PTAR1: variants seen among roughly 807,000 people sequenced by gnomAD.
PTAR1 encodes protein prenyltransferase alpha subunit repeat containing 1.
A neutral mutation model predicts 45.5 loss-of-function variants in PTAR1; 17 were observed. That is an observed-to-expected ratio of 0.37 (90% CI 0.26 to 0.56). The LOEUF (loss-of-function observed/expected upper bound fraction) is 0.56, where lower values mean the gene tolerates loss of function less well. Among genes scored for constraint, PTAR1 ranks in the 20% least tolerant of loss-of-function variants. PTAR1 has a pLI of 0.77. For missense variants in PTAR1, 391 were observed against 476.3 expected (o/e 0.82, Z 1.67); for synonymous variants, 169 against 171.3 (o/e 0.99, Z 0.11).
At chr9:69,746,883 G>A (rs1042286552) in intron 2 of PTAR1, among the ~76,000 whole-genome samples, 2 of 152,208 alleles carry the variant, frequency 1.3e-5, no homozygotes, top group Non-Finnish European at 2.9e-5. Flanking sequence ...TTTGACAACT[G>A]TCTCTAACAG....
intron 5 of PTAR1, among the ~76,000 whole-genome samples, chr9:69,727,448 T>G (rs1825339694): frequency 6.6e-6 from 1 of 152,082 alleles, no homozygotes; most frequent in African/African-American, 2.4e-5. Context: ...CTTAGCATAA[T>G]GTGAGTCTCT....
chr9:69,720,755 A>C (rs986183091), intron 6 of PTAR1, among the ~76,000 whole-genome samples: 2 of 152,204 alleles, frequency 1.3e-5, no homozygotes, highest in Non-Finnish European at 2.9e-5. Flanking sequence ...CCATTCCAAT[A>C]ATCTTAGGGC....
chr9:69,735,764 T>C (rs1393440782), intron 3 of PTAR1, among the ~76,000 whole-genome samples: 1 of 151,994 alleles, frequency 6.6e-6, no homozygotes, highest in Middle Eastern at 3.2e-3. Context: ...TTTAGAGAAG[T>C]TTAAGCCAGA....
intron 1 of PTAR1, 109 bp downstream of exon 1, chr9:69,759,744 C>T: frequency 9.1e-7 from 1 of 1,104,154 alleles, no homozygotes; most frequent in Non-Finnish European, 1.2e-6. Flanking sequence ...TAGAAGGGCT[C>T]GTGGGCCAGG....
intron 3 of PTAR1, 129 bp downstream of exon 3, chr9:69,741,663 A>T (rs1588471560): frequency 1.6e-6 from 1 of 620,652 alleles, no homozygotes; most frequent in East Asian, 2.8e-5. Context: ...TCACAGGTAT[A>T]AAGAATAGGG....
intron 3 of PTAR1, among the ~76,000 whole-genome samples, chr9:69,736,918 A>C (rs746955838): frequency 3.3e-5 from 5 of 152,168 alleles, no homozygotes; most frequent in Non-Finnish European, 4.4e-5. Context: ...GAAAAAGATC[A>C]CCTGATGGAA....
At chr9:69,728,982 T>C (rs898646859) in intron 5 of PTAR1, among the ~76,000 whole-genome samples, 2 of 152,198 alleles carry the variant, frequency 1.3e-5, no homozygotes, top group Non-Finnish European at 1.5e-5. Flanking sequence ...TCAAACACTT[T>C]AAAGTATTTG....
intron 5 of PTAR1, among the ~76,000 whole-genome samples, chr9:69,731,255 A>G (rs1825521356): frequency 6.6e-6 from 1 of 152,138 alleles, no homozygotes; most frequent in Non-Finnish European, 1.5e-5. Flanking sequence ...GTAAGTTAAA[A>G]TTACATAACA....
intron 5 of PTAR1, among the ~76,000 whole-genome samples, chr9:69,725,596 G>GA (rs138623845): frequency 0.4 from 59,847 of 149,368 alleles, 12,321 homozygotes; most frequent in East Asian, 0.5. Context: ...TCTCAAAAAA[G>GA]AAAAAAAATA....
intron 5 of PTAR1, among the ~76,000 whole-genome samples, chr9:69,731,489 T>C (rs1450926860): frequency 1.3e-5 from 2 of 152,176 alleles, no homozygotes; most frequent in Non-Finnish European, 2.9e-5. Flanking sequence ...TGTAGCTAAG[T>C]CTAAGCCATT....
chr9:69,748,763 C>T (rs1169960379), intron 2 of PTAR1, among the ~76,000 whole-genome samples: 2 of 152,064 alleles, frequency 1.3e-5, no homozygotes, highest in Non-Finnish European at 2.9e-5. Context: ...GCAAGATTCA[C>T]CTCTGTGCTC....
At chr9:69,746,008 C>T (rs1826258199) in intron 2 of PTAR1, among the ~76,000 whole-genome samples, 1 of 152,224 alleles carries the variant, frequency 6.6e-6, no homozygotes, top group African/African-American at 2.4e-5. Flanking sequence ...AAAACATCAA[C>T]AGCCTTGACC....
rs1826760260 is a variant in PTAR1 at position 69,756,026 on chromosome 9, T to C, written c.86+3827A>G. On this transcript the variant is annotated intron_variant, in intron 1 of 7. Coordinates refer to ENST00000340434, the MANE Select transcript of PTAR1 (RefSeq NM_001099666.2). The stretch of plus-strand genomic sequence containing the variant: ...GACAAGCAAAGACTCAAATCCAGTT[T>C]GACAGCTTAGACTATCAAACTCTAA... 3.3e-5 allele frequency among the ~76,000 whole-genome samples: 5 copies of C among 152,312 alleles called. No homozygotes were observed. The South Asian group carries it at 1.0e-3, about 32-fold the overall frequency.
chr9:69,732,969 C>T lies in PTAR1; in HGVS notation c.429-617G>A, dbSNP rs1261758620. 6.6e-5 allele frequency among the ~76,000 whole-genome samples: 10 copies of T among 152,150 alleles called. No individual in the cohort carries two copies. In the East Asian group the frequency reaches 1.9e-3, roughly 29 times the overall value. On this transcript the variant is annotated intron_variant, in intron 4 of 7. Coordinates refer to ENST00000340434, the MANE Select transcript of PTAR1 (RefSeq NM_001099666.2). ...CATTAACATGTATTTACATAAAAAA[C>T]ACTAAATAGTGTTTCGAGCTACTTA...
intron 3 of PTAR1, among the ~76,000 whole-genome samples, chr9:69,738,959 T>C (rs1825915594): frequency 6.6e-6 from 1 of 151,756 alleles, no homozygotes; most frequent in Admixed American, 6.6e-5. Flanking sequence ...ACATGTGCAC[T>C]GACACGCACG....
chr9:69,741,648 A>C, intron 3 of PTAR1, 144 bp downstream of exon 3: 1 of 580,066 alleles, frequency 1.7e-6, no homozygotes, highest in East Asian at 2.8e-5. Context: ...GCCTATTTAG[A>C]ATTGTCACAG....
rs2134067121 is a variant in PTAR1 at position 69,716,907 on chromosome 9, A to G, written c.*1435T>C. On this transcript the variant is annotated 3_prime_UTR_variant, in exon 8 of 8. Transcript: ENST00000340434. Reference sequence around the variant, plus strand: ...AAGGAAAGGTATACAAAAATGACACACAAAAGTGACAAAAAATACGTAATG... The same window carrying G: ...AAGGAAAGGTATACAAAAATGACACGCAAAAGTGACAAAAAATACGTAATG... 6.6e-6 allele frequency: 1 copy of G among 152,296 alleles called. No homozygotes were observed. The highest frequency in any genetic ancestry group is 2.4e-5 in the African/African-American group (1 of 41,574). 9.4% of individuals were successfully genotyped at this position (152,296 alleles called of 1,614,324 possible). A position where few individuals can be genotyped will look rare whatever the true frequency, so the allele number is the denominator to read the frequency against.
intron 1 of PTAR1, among the ~76,000 whole-genome samples, chr9:69,755,840 T>G (rs1473553075): frequency 6.6e-6 from 1 of 152,200 alleles, no homozygotes; most frequent in East Asian, 1.9e-4. Context: ...TTACTGACCT[T>G]ATTTAGAAAA....
rs41282405 is a variant in PTAR1, at chr9:69,718,020, G to T, written c.*322C>A. ...TTGCCTATGCAGCAATTGGACTGAG[G>T]GGGGTAGAGGTGTGTGTGTGTGAAC... On this transcript the variant is annotated 3_prime_UTR_variant, in exon 8 of 8. Transcript: ENST00000340434. 0.13 allele frequency: 26,837 copies of T among 209,100 alleles called. 1,918 individuals carry two copies. Among genetic ancestry groups the T allele is most frequent in the East Asian group, 0.24 (2,305 of 9,508 alleles). 13.0% of individuals were successfully genotyped at this position (209,100 alleles called of 1,614,324 possible). A position where few individuals can be genotyped will look rare whatever the true frequency, so the allele number is the denominator to read the frequency against.
Sources: gnomAD v4.1 joint callset for allele counts (sites outside exome capture counted in the v4.1 genomes callset) on GRCh38, gnomAD v4.1.1 for gene constraint, MANE v1.5 for transcripts, NCBI Gene and HGNC (gene_info 2026-07-23, HGNC 2026-07-21) for gene names.